Variants in DDR2 observed in about 807,000 individuals in gnomAD.
The protein encoded by DDR2 is discoidin domain-containing receptor 2.
DDR2 carries 27 observed loss-of-function variants against 94.9 expected under a neutral mutation model. The ratio of observed to expected loss-of-function variants is 0.28; its 90% CI spans 0.21 to 0.39. The LOEUF (loss-of-function observed/expected upper bound fraction) is 0.39, where lower values mean the gene tolerates loss of function less well. Among genes scored for constraint, DDR2 ranks in the 10% least tolerant of loss-of-function variants. The pLI is 1.00. For missense variants in DDR2, 783 were observed against 1,076.0 expected, an observed-to-expected ratio of 0.73 and a Z score of 3.81; for synonymous variants, 382 against 377.2, an observed-to-expected ratio of 1.01 and a Z score of -0.15.
chr1:162,701,309 C>T (rs1184284630), intron 2 of DDR2, among the ~76,000 whole-genome samples: 1 of 152,188 alleles, frequency 6.6e-6, no homozygotes, highest in Non-Finnish European at 1.5e-5. Flanking sequence ...CTAGTTTTGC[C>T]ACAGTATCTG....
intron 2 of DDR2, among the ~76,000 whole-genome samples, chr1:162,692,970 G>A (rs1418928969): frequency 6.6e-6 from 1 of 152,134 alleles, no homozygotes; most frequent in African/African-American, 2.4e-5. Flanking sequence ...TTTGTGAAGT[G>A]GAATCTTTTT....
chr1:162,638,698 G>T (rs1656962566), intron 1 of DDR2, among the ~76,000 whole-genome samples: 1 of 152,176 alleles, frequency 6.6e-6, no homozygotes, highest in South Asian at 2.1e-4. Flanking sequence ...ACTGGCACTT[G>T]TCCTTCAGGA....
intron 12 of DDR2, among the ~76,000 whole-genome samples, chr1:162,771,561 C>A (rs149083579): frequency 2.6e-5 from 4 of 152,220 alleles, no homozygotes; most frequent in African/African-American, 9.6e-5. Flanking sequence ...TCTAAAACAT[C>A]CCCCACTTCA....
At chr1:162,702,941 A>T (rs1029134057) in intron 2 of DDR2, among the ~76,000 whole-genome samples, 1 of 152,202 alleles carries the variant, frequency 6.6e-6, no homozygotes. Context: ...GTGTGTGTAT[A>T]TACATTTTTT....
At chr1:162,685,774 T>A (rs1343394623) in intron 2 of DDR2, among the ~76,000 whole-genome samples, 1 of 152,118 alleles carries the variant, frequency 6.6e-6, no homozygotes, top group Non-Finnish European at 1.5e-5. Flanking sequence ...TTTGACCTAT[T>A]TAACCCTTGC....
At chr1:162,690,858 A>G (rs1179004866) in intron 2 of DDR2, among the ~76,000 whole-genome samples, 1 of 152,226 alleles carries the variant, frequency 6.6e-6, no homozygotes, top group Non-Finnish European at 1.5e-5. Context: ...TGGGAATAGT[A>G]TTCTTGCTCT....
chr1:162,658,711 C>T, intron 2 of DDR2, among the ~76,000 whole-genome samples: 1 of 150,212 alleles, frequency 6.7e-6, no homozygotes, highest in East Asian at 1.9e-4. Context: ...GCCTGTCGTT[C>T]CAGCTACTGG....
chr1:162,654,714 A>G (rs10917581), intron 1 of DDR2, among the ~76,000 whole-genome samples: 28,991 of 152,024 alleles, frequency 0.19, 3,196 homozygotes, highest in Middle Eastern at 0.34. Context: ...TAATAATACT[A>G]AGTTGTTTTT....
intron 2 of DDR2, among the ~76,000 whole-genome samples, chr1:162,691,547 G>A (rs889574494): frequency 6.6e-6 from 1 of 152,228 alleles, no homozygotes; most frequent in Non-Finnish European, 1.5e-5. Flanking sequence ...TGATGCAAAC[G>A]CTGTGCTTGG....
intron 3 of DDR2, among the ~76,000 whole-genome samples, chr1:162,751,719 T>A (rs1469352884): frequency 1.3e-5 from 2 of 152,248 alleles, no homozygotes; most frequent in Non-Finnish European, 2.9e-5. Context: ...GTGGCGCTAT[T>A]CACAATAGCA....
rs1647828086 is a variant in DDR2 at position 162,780,316 on chromosome 1, T to C, written c.*70T>C. 6.2e-7 allele frequency: 1 copy of C among 1,605,526 alleles called. No homozygotes were observed. Among genetic ancestry groups the C allele is most frequent in the Non-Finnish European group, 8.5e-7 (1 of 1,174,228 alleles). On this transcript the variant is annotated 3_prime_UTR_variant, in exon 18 of 18. Transcript: ENST00000367921. ...ACAAGACCTACCACTCACCCATGCC[T>C]ATGCCACTCCATCTGGACATTTAAT... is the stretch of plus-strand genomic sequence containing the variant.
At chr1:162,651,363 T>C (rs1237134261) in intron 1 of DDR2, among the ~76,000 whole-genome samples, 2 of 152,232 alleles carry the variant, frequency 1.3e-5, no homozygotes, top group Non-Finnish European at 2.9e-5. Context: ...CCCATTCAAA[T>C]TGTTCCCTTT....
chr1:162,770,369 T>G lies in DDR2; in HGVS notation c.1361T>G (p.Phe454Cys), dbSNP rs1240341071. The G allele has an allele frequency of 6.2e-7, 1 of 1,614,120 alleles. No homozygotes were observed. The highest frequency in any genetic ancestry group is 1.3e-5 in the African/African-American group (1 of 75,014). The change falls in exon 12 of 18, where the codon TTC (phenylalanine) becomes TGC (cysteine). Residue 454 changes from phenylalanine (F) to cysteine (C), a missense_variant. Transcript: ENST00000367921. ...TCCCTGCCAAGTGATTCTAGCATGTTCAACAATAACCGCTCCTCATCACCT... is the reference window on the plus strand; with the variant it reads ...TCCCTGCCAAGTGATTCTAGCATGTGCAACAATAACCGCTCCTCATCACCT... ...SLSLPSDSSM[F>C]NNNRSSSPSE...
At chr1:162,698,294 C>A (rs1231263350) in intron 2 of DDR2, among the ~76,000 whole-genome samples, 2 of 152,140 alleles carry the variant, frequency 1.3e-5, no homozygotes, top group African/African-American at 2.4e-5. Flanking sequence ...CAGGTAGACG[C>A]CCTCCTTACC....
At position 162,645,080 on chromosome 1, in the gene DDR2, G is replaced by A. The variant is rs948308335; in HGVS notation, c.-191-10131G>A. ...AATGGCCAAGGGCCTTATGGAACAG[G>A]CATACTGCAGGGGTGGCGTGGTCAT... On this transcript the variant is annotated intron_variant, in intron 1 of 17. Transcript: ENST00000367921. Among the ~76,000 whole-genome samples, 14 of 152,248 alleles carry A rather than the reference G, an allele frequency of 9.2e-5. No individual in the cohort carries two copies. In the South Asian group the frequency reaches 2.5e-3, roughly 27 times the overall value.
chr1:162,640,069 T>A (rs1657047761), intron 1 of DDR2, among the ~76,000 whole-genome samples: 1 of 151,314 alleles, frequency 6.6e-6, no homozygotes, highest in Non-Finnish European at 1.5e-5. Flanking sequence ...TGAGATGAAG[T>A]CTTGCTCTGT....
intron 1 of DDR2, among the ~76,000 whole-genome samples, chr1:162,649,444 G>T (rs911941341): frequency 6.6e-6 from 1 of 152,206 alleles, no homozygotes; most frequent in Non-Finnish European, 1.5e-5. Flanking sequence ...TCCAGGCTTT[G>T]CCACTAACTG....
At chr1:162,720,302 C>T (rs1254073089) in intron 3 of DDR2, among the ~76,000 whole-genome samples, 2 of 152,118 alleles carry the variant, frequency 1.3e-5, no homozygotes, top group African/African-American at 4.8e-5. Flanking sequence ...TTCATGCTCC[C>T]TTCCAGTAAC....
intron 3 of DDR2, among the ~76,000 whole-genome samples, chr1:162,750,961 C>G (rs529113470): frequency 2.0e-5 from 3 of 152,180 alleles, no homozygotes; most frequent in East Asian, 1.9e-4. Context: ...AGCTGAAATT[C>G]GATCCCTTCC....
Sources: allele counts gnomAD v4.1 joint callset (sites outside exome capture counted in the v4.1 genomes callset), GRCh38; gene constraint gnomAD v4.1.1; transcripts MANE v1.5; gene names NCBI Gene and HGNC (gene_info 2026-07-23, HGNC 2026-07-21).